Variants in ZFR observed in about 807,000 individuals in gnomAD.
ZFR encodes the protein zinc finger RNA-binding protein.
A neutral mutation model predicts 130.7 loss-of-function variants in ZFR; 19 were observed. That is an observed-to-expected ratio of 0.15 (90% CI 0.10 to 0.21). The LOEUF (loss-of-function observed/expected upper bound fraction) is 0.21. ZFR is among the 10% of genes least tolerant of loss of function. The probability of loss-of-function intolerance (pLI) is 1.00; values close to 1 mark genes in which losing one functional copy is unlikely to be tolerated. For synonymous variants in ZFR, 466 were observed against 456.9 expected, an observed-to-expected ratio of 1.02 and a Z score of -0.25; for missense variants, 872 against 1,321.5, an observed-to-expected ratio of 0.66 and a Z score of 5.27.
intron 5 of ZFR, among the ~76,000 whole-genome samples, chr5:32,411,076 T>C (rs189708771): frequency 3.3e-4 from 51 of 152,338 alleles, no homozygotes; most frequent in African/African-American, 1.1e-3. Context: ...TAAAATACTT[T>C]GTGGCCATTA....
intron 8 of ZFR, among the ~76,000 whole-genome samples, chr5:32,402,398 G>A (rs1248674439): frequency 6.6e-6 from 1 of 152,148 alleles, no homozygotes; most frequent in Non-Finnish European, 1.5e-5. Flanking sequence ...GGTGACTACT[G>A]AAAGCAGCTT....
rs1394749571 is a variant in ZFR at position 32,403,275 on chromosome 5, A to G, written c.1347T>C (p.Ile449=). Residue 449 remains isoleucine (I), a synonymous_variant, in exon 8 of 20, where the codon ATT becomes ATC. Coordinates refer to ENST00000265069, the MANE Select transcript of ZFR (RefSeq NM_016107.5). ...TATTCACAGTACAATTGTTTGCTGC[A>G]ATGCTTGAAGGAGAGGCAGTCGGCT... The part of the protein sequence containing the change: ...ASKPTASPSS[I]AANNCTVNTS... The G allele has an allele frequency of 6.2e-7, 1 of 1,614,204 alleles. No homozygotes were observed. Among genetic ancestry groups the G allele is most frequent in the African/African-American group, 1.3e-5 (1 of 75,064 alleles).
intron 19 of ZFR, among the ~76,000 whole-genome samples, chr5:32,359,248 G>T (rs2111647470): frequency 6.6e-6 from 1 of 151,822 alleles, no homozygotes; most frequent in South Asian, 2.1e-4. Flanking sequence ...CCTCAGTGTT[G>T]AATGTGGCCC....
At chr5:32,360,194 G>C (rs1752402005) in intron 19 of ZFR, among the ~76,000 whole-genome samples, 2 of 152,230 alleles carry the variant, frequency 1.3e-5, no homozygotes, top group South Asian at 4.1e-4. Context: ...TCTCTACATA[G>C]TTATAGCCTT....
chr5:32,428,016 T>C (rs1166808082), intron 2 of ZFR, among the ~76,000 whole-genome samples: 1 of 152,142 alleles, frequency 6.6e-6, no homozygotes. Context: ...CAACTCTTAG[T>C]AGAAAACACA....
intron 2 of ZFR, among the ~76,000 whole-genome samples, chr5:32,434,638 T>C (rs911302053): frequency 6.6e-6 from 1 of 152,220 alleles, no homozygotes; most frequent in African/African-American, 2.4e-5. Flanking sequence ...TTTAACATAG[T>C]TGGGAATACG....
At chr5:32,391,544 T>A (rs769971289) in intron 11 of ZFR, among the ~76,000 whole-genome samples, 1,250 of 121,276 alleles carry the variant, frequency 0.01, 5 homozygotes, top group Non-Finnish European at 0.016. Flanking sequence ...TTTTTTTTTT[T>A]ACCATCTCCT....
At chr5:32,358,443 G>A (rs1471056031) in intron 19 of ZFR, among the ~76,000 whole-genome samples, 1 of 152,022 alleles carries the variant, frequency 6.6e-6, no homozygotes, top group African/African-American at 2.4e-5. Context: ...GGCGCATCAC[G>A]AGGTCAGGAG....
chr5:32,387,847 T>A, intron 13 of ZFR, 148 bp from the exon 14 acceptor site: 1 of 715,654 alleles, frequency 1.4e-6, no homozygotes, highest in Non-Finnish European at 2.1e-6. Flanking sequence ...TTTTTAGAAC[T>A]ATACTTCATT....
chr5:32,435,076 G>A (rs1354289741), intron 2 of ZFR, among the ~76,000 whole-genome samples: 1 of 152,042 alleles, frequency 6.6e-6, no homozygotes, highest in African/African-American at 2.4e-5. Flanking sequence ...ATACCATGAT[G>A]GGGGGTTAAT....
intron 13 of ZFR, 23 bp downstream of exon 13, chr5:32,388,446 G>T: frequency 6.2e-7 from 1 of 1,606,798 alleles, no homozygotes; most frequent in South Asian, 1.1e-5. Context: ...AATTACACAT[G>T]GTAAATAACT....
intron 2 of ZFR, among the ~76,000 whole-genome samples, chr5:32,424,985 T>C (rs1396844756): frequency 6.6e-6 from 1 of 152,154 alleles, no homozygotes; most frequent in African/African-American, 2.4e-5. Flanking sequence ...CTGTCTAGCT[T>C]TGATGGAACT....
At chr5:32,425,129 G>C (rs972005670) in intron 2 of ZFR, among the ~76,000 whole-genome samples, 3 of 152,180 alleles carry the variant, frequency 2.0e-5, no homozygotes, top group Non-Finnish European at 4.4e-5. Flanking sequence ...AAGTTGATAA[G>C]TTACAAAATA....
At chr5:32,414,749 C>T (rs1753781558) in intron 5 of ZFR, among the ~76,000 whole-genome samples, 1 of 152,040 alleles carries the variant, frequency 6.6e-6, no homozygotes, top group African/African-American at 2.4e-5. Flanking sequence ...CCTTAAAACC[C>T]CCAAGAACAT....
Position 32,377,628 on chromosome 5 carries a change from G to GA in ZFR, c.2835+1486dup, listed in dbSNP as rs1468380452. Among the ~76,000 whole-genome samples, 8 of 151,914 alleles carry GA rather than the reference G, an allele frequency of 5.3e-5. No individual in the cohort carries two copies. In the East Asian group the frequency reaches 1.4e-3, roughly 26 times the overall value. On this transcript the variant is annotated intron_variant, in intron 17 of 19. Transcript: ENST00000265069. ...TGATGAATAAGAAACTGGCAGTTAA[G>GA]AAAAAAACAATTACAAATGCCAACC...
intron 11 of ZFR, among the ~76,000 whole-genome samples, chr5:32,393,868 G>A (rs1354231901): frequency 6.6e-6 from 1 of 152,072 alleles, no homozygotes; most frequent in Non-Finnish European, 1.5e-5. Flanking sequence ...CGCCTCAATA[G>A]GTTCACATAC....
chr5:32,430,670 T>G (rs1561923085), intron 2 of ZFR, among the ~76,000 whole-genome samples: 1 of 151,848 alleles, frequency 6.6e-6, no homozygotes. Flanking sequence ...ACATGAAAGA[T>G]AAAGAAAAAC....
chr5:32,390,596 C>T (rs113931824), intron 11 of ZFR, among the ~76,000 whole-genome samples, 159 bp from the exon 12 acceptor site: 1 of 151,982 alleles, frequency 6.6e-6, no homozygotes, highest in African/African-American at 2.4e-5. Context: ...GCTTTCATTG[C>T]GAAGTAAATG....
chr5:32,379,019 G>A (rs1443631644), intron 17 of ZFR, 96 bp downstream of exon 17: 1 of 869,592 alleles, frequency 1.1e-6, no homozygotes, highest in Admixed American at 2.8e-5. Flanking sequence ...TTTAGTAAAT[G>A]CAAATAAGGC....
Sources: allele counts gnomAD v4.1 joint callset (sites outside exome capture counted in the v4.1 genomes callset), GRCh38; gene constraint gnomAD v4.1.1; transcripts MANE v1.5; gene names NCBI Gene and HGNC (gene_info 2026-07-23, HGNC 2026-07-21).